The following OVCH1 variants were observed in gnomAD, a reference collection of about 807,000 sequenced individuals.
OVCH1 encodes the protein ovochymase 1.
OVCH1 carries 139 observed loss-of-function variants against 138.4 expected under a neutral mutation model. The ratio of observed to expected loss-of-function variants is 1.00; its 90% CI spans 0.87 to 1.16. The LOEUF is 1.16. Ranked by LOEUF, OVCH1 falls within the 50% of genes most tolerant of loss-of-function variation. OVCH1 has a pLI of 0.00. For synonymous variants in OVCH1, 453 were observed against 467.8 expected (o/e 0.97, Z 0.41); for missense variants, 1,367 against 1,357.9 (o/e 1.01, Z -0.11).
At chr12:29,489,453 T>C (rs369346853) in intron 6 of OVCH1, among the ~76,000 whole-genome samples, 167 bp downstream of exon 6, 1 of 152,184 alleles carries the variant, frequency 6.6e-6, no homozygotes, top group African/African-American at 2.4e-5. Flanking sequence ...AAATAATTCT[T>C]TCTGCTCAGG....
intron 8 of OVCH1, among the ~76,000 whole-genome samples, chr12:29,482,546 C>A (rs1942968186): frequency 6.6e-6 from 1 of 152,208 alleles, no homozygotes; most frequent in Non-Finnish European, 1.5e-5. Context: ...TTGTGTGTTT[C>A]ATTCACTGCT....
intron 15 of OVCH1, among the ~76,000 whole-genome samples, chr12:29,472,612 T>C (rs892716549): frequency 2.0e-5 from 3 of 152,194 alleles, no homozygotes; most frequent in Admixed American, 2.0e-4. Context: ...CTTGAACATA[T>C]TCAATACATG....
intron 23 of OVCH1, 145 bp from the exon 24 acceptor site, chr12:29,444,425 G>A: frequency 2.3e-6 from 2 of 865,056 alleles, no homozygotes; most frequent in East Asian, 2.7e-5. Context: ...TGGTTTCACT[G>A]AAAATTTTCT....
intron 6 of OVCH1, among the ~76,000 whole-genome samples, chr12:29,489,112 G>T (rs1285694615): frequency 6.6e-6 from 1 of 152,152 alleles, no homozygotes; most frequent in African/African-American, 2.4e-5. Flanking sequence ...TGGTCTCCTT[G>T]TCCTCTCTAA....
chr12:29,438,048 C>T (rs1444483671), intron 26 of OVCH1, among the ~76,000 whole-genome samples: 2 of 152,092 alleles, frequency 1.3e-5, no homozygotes, highest in Non-Finnish European at 2.9e-5. Context: ...TCTGTGGATG[C>T]AGAAGAGTTT....
intron 13 of OVCH1, among the ~76,000 whole-genome samples, chr12:29,475,615 C>A (rs1455926142): frequency 6.6e-6 from 1 of 152,134 alleles, no homozygotes; most frequent in Non-Finnish European, 1.5e-5. Context: ...TGGCATTGTG[C>A]TCTCACTAAC....
rs755574456 is a variant in OVCH1, at chr12:29,489,710, A to T, written c.612T>A (p.Cys204Ter). The change falls in exon 6 of 28, where the codon TGT becomes TGA. Residue 204 changes from cysteine to a stop codon, truncating the protein, a stop_gained. Transcript: ENST00000318184. LOFTEE classifies it high-confidence loss of function. ...GGTTCATGCTCTTGAGCACAGTATT[A>T]CACGCTCTGTCATCCATGATGGGAA... The T allele has an allele frequency of 6.2e-7, 1 of 1,610,432 alleles. No homozygotes were observed. The highest frequency in any genetic ancestry group is 8.5e-7 in the Non-Finnish European group (1 of 1,178,248).
At chr12:29,450,054 C>G (rs1160452534) in intron 22 of OVCH1, among the ~76,000 whole-genome samples, 2 of 152,056 alleles carry the variant, frequency 1.3e-5, no homozygotes, top group African/African-American at 4.8e-5. Flanking sequence ...GACCTAAAAC[C>G]CTAAAAACCC....
At chr12:29,433,122 C>T (rs1941298597) in intron 27 of OVCH1, among the ~76,000 whole-genome samples, 1 of 152,142 alleles carries the variant, frequency 6.6e-6, no homozygotes, top group South Asian at 2.1e-4. Flanking sequence ...CAAGCTTCCT[C>T]TGTTATATAT....
Position 29,475,125 on chromosome 12 carries a change from G to T in OVCH1, c.1536C>A (p.Tyr512Ter), listed in dbSNP as rs748717076. 3.8e-6 allele frequency: 6 copies of T among 1,567,718 alleles called. No homozygotes were observed. The highest frequency in any genetic ancestry group is 5.2e-6 in the Non-Finnish European group (6 of 1,155,364). Residue 512 changes from tyrosine (Y) to a stop codon, truncating the protein, a stop_gained, in exon 14 of 28, where the codon TAC (tyrosine) becomes TAA (stop). Coordinates refer to ENST00000318184, the Ensembl canonical transcript of OVCH1. LOFTEE classifies it high-confidence loss of function. ...AACGATTTTTACCATCACTTTTAAAGTATATCACCGTCATGTTACTAGAAC... is the reference window on the plus strand; with the variant it reads ...AACGATTTTTACCATCACTTTTAAATTATATCACCGTCATGTTACTAGAAC...
At chr12:29,455,001 A>G in intron 20 of OVCH1, 68 bp from the exon 21 acceptor site, 1 of 1,322,244 alleles carries the variant, frequency 7.6e-7, no homozygotes, top group South Asian at 1.3e-5. Context: ...TGGGCACTAA[A>G]GCAGCCACTA....
At chr12:29,443,630 A>T in intron 24 of OVCH1, 130 bp from the exon 25 acceptor site, 1 of 946,628 alleles carries the variant, frequency 1.1e-6, no homozygotes, top group East Asian at 2.8e-5. Context: ...CTGTTTCCTT[A>T]TGGTTGTGAG....
At position 29,491,080 on chromosome 12, in the gene OVCH1, A is replaced by AT. The variant is rs757471863; in HGVS notation, c.550+16dup. 1 of 1,600,502 alleles carries AT rather than the reference A, an allele frequency of 6.2e-7. No individual in the cohort carries two copies. The highest frequency in any genetic ancestry group is 8.6e-7 in the Non-Finnish European group (1 of 1,167,886). On this transcript the variant is annotated intron_variant, in intron 5 of 27. Transcript: ENST00000318184. ...AGAGAGCTGGAAGAAGTATTAAGTC[A>AT]TTTTGGTGTCTCTTACTTTTGGAAA...
chr12:29,434,511 A>AT (rs1447812945), intron 26 of OVCH1, among the ~76,000 whole-genome samples: 1 of 152,154 alleles, frequency 6.6e-6, no homozygotes, highest in Non-Finnish European at 1.5e-5. Flanking sequence ...AGCACAATAA[A>AT]TTGAACAAAA....
chr12:29,414,624 C>G (rs1032084980), intron 3 of OVCH1, among the ~76,000 whole-genome samples: 8 of 152,086 alleles, frequency 5.3e-5, no homozygotes, highest in Non-Finnish European at 5.9e-5. Flanking sequence ...ACTTACAGTC[C>G]ACCCAACTAT....
chr12:29,432,726 AAG>A (rs900411817), intron 27 of OVCH1, among the ~76,000 whole-genome samples: 13 of 152,264 alleles, frequency 8.5e-5, no homozygotes, highest in African/African-American at 2.9e-4. Flanking sequence ...TAAAGAAAGG[AAG>A]AGAGTCAAAG....
At chr12:29,444,631 T>C (rs374461899) in intron 23 of OVCH1, among the ~76,000 whole-genome samples, 1 of 152,160 alleles carries the variant, frequency 6.6e-6, no homozygotes, top group African/African-American at 2.4e-5. Flanking sequence ...CTTTATTACT[T>C]AATTAACTTT....
intron 22 of OVCH1, among the ~76,000 whole-genome samples, chr12:29,449,663 TGG>T (rs1941724260): frequency 6.6e-6 from 1 of 152,120 alleles, no homozygotes; most frequent in Non-Finnish European, 1.5e-5. Context: ...GCTGTTATAT[TGG>T]TGTATAGAAA....
At chr12:29,496,054 G>T in intron 3 of OVCH1, 127 bp downstream of exon 3, 1 of 752,184 alleles carries the variant, frequency 1.3e-6, no homozygotes, top group Non-Finnish European at 2.2e-6. Context: ...GAAGATCAGT[G>T]GGTGGGTACA....
Sources: allele counts gnomAD v4.1 joint callset (sites outside exome capture counted in the v4.1 genomes callset), GRCh38; gene constraint gnomAD v4.1.1; transcripts MANE v1.5; gene names NCBI Gene and HGNC (gene_info 2026-07-23, HGNC 2026-07-21).